The following CFAP77 variants were observed in gnomAD, a reference collection of about 807,000 sequenced individuals.
CFAP77 encodes the protein cilia- and flagella-associated protein 77.
Under a neutral mutation model 31.1 loss-of-function variants are expected in CFAP77, and 25 were observed. The observed-to-expected ratio is 0.80, with a 90% CI of 0.59 to 1.12. The LOEUF is 1.12. Ranked by LOEUF, CFAP77 falls within the 50% of genes most tolerant of loss-of-function variation. The probability of loss-of-function intolerance (pLI) is 0.00; values close to 1 mark genes in which losing one functional copy is unlikely to be tolerated. For synonymous variants in CFAP77, 151 were observed against 159.9 expected, an observed-to-expected ratio of 0.94 and a Z score of 0.42; for missense variants, 377 against 397.3, an observed-to-expected ratio of 0.95 and a Z score of 0.44.
chr9:132,421,850 A>T (rs985945284), intron 1 of CFAP77, among the ~76,000 whole-genome samples: 2 of 152,162 alleles, frequency 1.3e-5, no homozygotes, highest in African/African-American at 4.8e-5. Flanking sequence ...ACCTTGAGTG[A>T]CTCACTAGAT....
intron 1 of CFAP77, among the ~76,000 whole-genome samples, chr9:132,464,917 A>G (rs1003628572): frequency 6.6e-6 from 1 of 151,996 alleles, no homozygotes; most frequent in Non-Finnish European, 1.5e-5. Flanking sequence ...CTAAAAATAC[A>G]AAAATTAACC....
rs769347230 is a variant in CFAP77 at position 132,495,654 on chromosome 9, A to G, written c.196-3041A>G. On this transcript the variant is annotated intron_variant, in intron 1 of 5. Coordinates refer to ENST00000393216, the MANE Select transcript of CFAP77 (RefSeq NM_001282957.2). This position sits in a 1 kb window ranked among gnomAD's most constrained non-coding sequence, Gnocchi z 4.2. Reference sequence around the variant, plus strand: ...TCAACTGTTGTGTAAAGAAGAGCCAATGGTCTCAAAGTAGGCTGTATGAAC... The same window carrying G: ...TCAACTGTTGTGTAAAGAAGAGCCAGTGGTCTCAAAGTAGGCTGTATGAAC... 6.6e-6 allele frequency among the ~76,000 whole-genome samples: 1 copy of G among 152,194 alleles called. No individual in the cohort carries two copies. Among genetic ancestry groups the G allele is most frequent in the African/African-American group, 2.4e-5 (1 of 41,436 alleles).
At chr9:132,475,436 G>T (rs1296480931) in intron 1 of CFAP77, among the ~76,000 whole-genome samples, 2 of 152,212 alleles carry the variant, frequency 1.3e-5, no homozygotes, top group Non-Finnish European at 2.9e-5. Flanking sequence ...ACAGAACCCA[G>T]GCTGGTTCCA....
intron 3 of CFAP77, among the ~76,000 whole-genome samples, chr9:132,509,077 A>G (rs1265260426): frequency 6.6e-6 from 1 of 152,224 alleles, no homozygotes; most frequent in Non-Finnish European, 1.5e-5. Context: ...AGTTACAGCA[A>G]TGAACGGCCA....
rs1262247421 is a variant in CFAP77, at chr9:132,501,813, G to T, written c.524+2213G>T. 6.6e-6 allele frequency among the ~76,000 whole-genome samples: 1 copy of T among 152,212 alleles called. No individual in the cohort carries two copies. Among genetic ancestry groups the T allele is most frequent in the Non-Finnish European group, 1.5e-5 (1 of 68,030 alleles). ...GGCCAGGGGAATCTGAAGCCTGGCT[G>T]GCCTGGTCTGATGATGCGCCCTTCC... On this transcript the variant is annotated intron_variant, in intron 3 of 5. Coordinates refer to ENST00000393216, the MANE Select transcript of CFAP77 (RefSeq NM_001282957.2). This position sits in a 1 kb window ranked among gnomAD's most constrained non-coding sequence, Gnocchi z 4.6.
chr9:132,486,735 CCGA>C (rs1305323765), intron 1 of CFAP77, among the ~76,000 whole-genome samples: 1 of 152,242 alleles, frequency 6.6e-6, no homozygotes, highest in Non-Finnish European at 1.5e-5. Context: ...GCTGCCTTCT[CCGA>C]GTGTAATCAA....
chr9:132,454,706 A>G (rs1485861496), intron 1 of CFAP77, among the ~76,000 whole-genome samples: 1 of 152,244 alleles, frequency 6.6e-6, no homozygotes, highest in East Asian at 1.9e-4. Flanking sequence ...ATTATGCAAC[A>G]GTATCCTAGC....
intron 1 of CFAP77, among the ~76,000 whole-genome samples, chr9:132,462,880 A>G (rs769663511): frequency 2.0e-5 from 3 of 152,206 alleles, no homozygotes; most frequent in Non-Finnish European, 2.9e-5. Context: ...ATGTAAGTTT[A>G]TATATATTTT....
chr9:132,521,161 T>C (rs967015321), intron 3 of CFAP77, among the ~76,000 whole-genome samples: 3 of 152,112 alleles, frequency 2.0e-5, no homozygotes, highest in Non-Finnish European at 4.4e-5. Flanking sequence ...GCAGTGAGGA[T>C]ACAGGATCGG....
rs571756292 is a variant in CFAP77 at position 132,568,794 on chromosome 9, G to C, written c.733-3594G>C. On this transcript the variant is annotated intron_variant, in intron 5 of 5. Coordinates refer to ENST00000393216, the MANE Select transcript of CFAP77 (RefSeq NM_001282957.2). ...GGCTCATTGCAGCCTCAACCTCCCA[G>C]GCTCAATCAATCCTCCCATCTCAGC... Among the ~76,000 whole-genome samples the C allele has an allele frequency of 3.9e-5, 6 of 152,152 alleles. No homozygotes were observed. The East Asian group carries it at 1.2e-3, about 30-fold the overall frequency.
chr9:132,524,838 C>T (rs888230096), intron 3 of CFAP77, among the ~76,000 whole-genome samples: 6 of 147,724 alleles, frequency 4.1e-5, no homozygotes, highest in East Asian at 2.0e-4. Flanking sequence ...TTAGTAGAGA[C>T]GGGGTTTCAC....
At chr9:132,468,470 C>T (rs535883623) in intron 1 of CFAP77, among the ~76,000 whole-genome samples, 58 of 152,310 alleles carry the variant, frequency 3.8e-4, no homozygotes, top group African/African-American at 1.4e-3. Context: ...CTCCCATGCC[C>T]CACCTGCCAG....
At chr9:132,526,513 T>A (rs577329938) in intron 3 of CFAP77, among the ~76,000 whole-genome samples, 8 of 151,408 alleles carry the variant, frequency 5.3e-5, no homozygotes, top group Non-Finnish European at 1.2e-4. Context: ...ATTACAGGCA[T>A]GAGCCACAGC....
chr9:132,540,968 G>A (rs577643160), intron 4 of CFAP77, among the ~76,000 whole-genome samples: 89 of 152,130 alleles, frequency 5.9e-4, no homozygotes, highest in Non-Finnish European at 1.0e-3. Flanking sequence ...TACCAACCTC[G>A]TAATCTTGCT....
chr9:132,571,883 A>ATTTT (rs35207512), intron 5 of CFAP77, among the ~76,000 whole-genome samples: 2 of 141,704 alleles, frequency 1.4e-5, no homozygotes, highest in African/African-American at 2.6e-5. Flanking sequence ...TCTCCCTTGC[A>ATTTT]TTTTTTTTTT....
intron 1 of CFAP77, among the ~76,000 whole-genome samples, chr9:132,453,002 G>A (rs965366082): frequency 6.6e-6 from 1 of 152,194 alleles, no homozygotes; most frequent in Non-Finnish European, 1.5e-5. Context: ...TGGCTAAGCA[G>A]AGAAAAGCAT....
At chr9:132,411,593 C>G (rs1307886710) in intron 1 of CFAP77, among the ~76,000 whole-genome samples, 2 of 152,128 alleles carry the variant, frequency 1.3e-5, no homozygotes, top group Non-Finnish European at 2.9e-5. Context: ...TTAGGCCTCT[C>G]AAAGTGGAAC....
intron 3 of CFAP77, chr9:132,513,282 A>C (rs1321030816): frequency 1.3e-6 from 2 of 1,549,048 alleles, no homozygotes; most frequent in Non-Finnish European, 1.7e-6. Flanking sequence ...CAAATAGAAA[A>C]GTTCAGAAGC....
Position 132,499,568 on chromosome 9 carries a change from C to T in CFAP77, c.492C>T (p.Leu164=), listed in dbSNP as rs770779046. Reference sequence around the variant, plus strand: ...GCATGAAGAAAGAGCCGCCCCCTCTCCCTCCAAACATGACATTTGGGATCC... The same window carrying T: ...GCATGAAGAAAGAGCCGCCCCCTCTTCCTCCAAACATGACATTTGGGATCC... ...DRRMKKEPPP[L]PPNMTFGIRA... Residue 164 remains leucine, a synonymous_variant, in exon 3 of 6, where the codon CTC becomes CTT. Transcript: ENST00000393216. The surrounding 1 kb of genome is among the most constrained non-coding windows in gnomAD (Gnocchi z 5.4). The T allele has an allele frequency of 6.2e-7, 1 of 1,614,100 alleles. No homozygotes were observed. The highest frequency in any genetic ancestry group is 8.5e-7 in the Non-Finnish European group (1 of 1,180,050).
Sources: allele counts gnomAD v4.1 joint callset (sites outside exome capture counted in the v4.1 genomes callset), GRCh38; gene constraint gnomAD v4.1.1; non-coding constraint Gnocchi (gnomAD v3.1); transcripts MANE v1.5; gene names NCBI Gene and HGNC (gene_info 2026-07-23, HGNC 2026-07-21).